Variants in SLC4A4 observed in about 807,000 individuals in gnomAD.
The protein encoded by SLC4A4 is solute carrier family 4 member 4, also known as electrogenic sodium bicarbonate cotransporter 1.
Under a neutral mutation model 111.5 loss-of-function variants are expected in SLC4A4, and 27 were observed. That is an observed-to-expected ratio of 0.24 (90% CI 0.18 to 0.33). The LOEUF (loss-of-function observed/expected upper bound fraction) is 0.33. Ranked by LOEUF, SLC4A4 falls within the 10% of genes least tolerant of loss-of-function variation. SLC4A4 has a pLI of 1.00. For synonymous variants in SLC4A4, 443 were observed against 463.4 expected, an observed-to-expected ratio of 0.96 and a Z score of 0.57; for missense variants, 909 against 1,315.5, an observed-to-expected ratio of 0.69 and a Z score of 4.78.
chr4:71,142,053 T>C (rs2885983), intron 2 of SLC4A4, among the ~76,000 whole-genome samples: 111,657 of 152,180 alleles, frequency 0.73, 42,738 homozygotes, highest in Admixed American at 0.84. Context: ...GATCTCAAAC[T>C]TTTTGTGTAT....
chr4:71,232,862 T>C (rs1719532361), intron 1 of SLC4A4, among the ~76,000 whole-genome samples: 2 of 152,226 alleles, frequency 1.3e-5, no homozygotes, highest in Admixed American at 1.3e-4. Flanking sequence ...ATGTTCCACA[T>C]GAAATTGTGT....
At chr4:71,223,919 C>T (rs1460808733) in intron 1 of SLC4A4, among the ~76,000 whole-genome samples, 2 of 152,026 alleles carry the variant, frequency 1.3e-5, no homozygotes, top group Non-Finnish European at 2.9e-5. Flanking sequence ...TCTTCGTGGC[C>T]CCGTTTCTGA....
At chr4:71,197,731 A>T (rs552415216) in intron 1 of SLC4A4, among the ~76,000 whole-genome samples, 20 of 152,342 alleles carry the variant, frequency 1.3e-4, no homozygotes, top group African/African-American at 4.8e-4. Context: ...ATAATAATAA[A>T]AAAAAGATTT....
intron 15 of SLC4A4, among the ~76,000 whole-genome samples, chr4:71,492,547 G>A (rs916875075): frequency 1.3e-4 from 20 of 151,840 alleles, no homozygotes; most frequent in African/African-American, 4.6e-4. Flanking sequence ...ATCTGCTTCA[G>A]CCCATCTGGT....
chr4:71,330,205 G>A (rs1050203398), intron 3 of SLC4A4, among the ~76,000 whole-genome samples: 2 of 152,078 alleles, frequency 1.3e-5, no homozygotes, highest in Admixed American at 6.6e-5. Context: ...GTTGAATTTG[G>A]TTTGCTAGTA....
intron 1 of SLC4A4, among the ~76,000 whole-genome samples, chr4:71,195,340 A>G (rs1745944590): frequency 6.8e-6 from 1 of 146,106 alleles, no homozygotes. Flanking sequence ...AGCATGTAAC[A>G]TTTTACTTCA....
At chr4:71,509,020 G>T (rs937501513) in intron 16 of SLC4A4, among the ~76,000 whole-genome samples, 1 of 152,166 alleles carries the variant, frequency 6.6e-6, no homozygotes, top group Non-Finnish European at 1.5e-5. Context: ...TATCTCAAGA[G>T]ATGCAGAAAA....
In SLC4A4 at chr4:71,567,951, CTGTT is replaced by C. The variant is rs368167161; in HGVS notation, c.*206_*209del. On this transcript the variant is annotated 3_prime_UTR_variant, in exon 26 of 26. Transcript: ENST00000264485. Reference sequence around the variant, plus strand: ...GTTAATGTCATTTGTTTTTGTTTGGCTGTTTGTTTATTTTTTAACTTTTATTTCG... The same window carrying C: ...GTTAATGTCATTTGTTTTTGTTTGGCTGTTTATTTTTTAACTTTTATTTCG... The C allele has an allele frequency of 9.6e-3, 10,103 of 1,056,226 alleles. 79 individuals are homozygous for C. Among genetic ancestry groups the C allele is most frequent in the Middle Eastern group, 0.024 (111 of 4,684 alleles). 65.4% of individuals were successfully genotyped at this position (1,056,226 alleles called of 1,614,324 possible).
At chr4:71,167,580 G>A (rs72850625) in intron 2 of SLC4A4, among the ~76,000 whole-genome samples, 2 of 152,174 alleles carry the variant, frequency 1.3e-5, no homozygotes, top group Non-Finnish European at 2.9e-5. Flanking sequence ...ATACAATCAG[G>A]AGAATGTAAG....
intron 3 of SLC4A4, among the ~76,000 whole-genome samples, chr4:71,297,345 A>G (rs1293375994): frequency 6.6e-6 from 1 of 152,166 alleles, no homozygotes; most frequent in African/African-American, 2.4e-5. Context: ...ACCCCTGAGC[A>G]CTGCAGCTGC....
intron 16 of SLC4A4, among the ~76,000 whole-genome samples, chr4:71,529,966 G>A (rs754816799): frequency 6.6e-6 from 1 of 152,006 alleles, no homozygotes; most frequent in Non-Finnish European, 1.5e-5. Context: ...CTGCTTCATA[G>A]GACCATCTTT....
At chr4:71,196,341 T>G (rs1745998297) in intron 1 of SLC4A4, among the ~76,000 whole-genome samples, 1 of 152,180 alleles carries the variant, frequency 6.6e-6, no homozygotes, top group Admixed American at 6.5e-5. Context: ...TGAGCTCCTT[T>G]GCCAGGGAAA....
At chr4:71,170,205 A>G (rs1345924543) in intron 2 of SLC4A4, among the ~76,000 whole-genome samples, 1 of 152,116 alleles carries the variant, frequency 6.6e-6, no homozygotes, top group East Asian at 1.9e-4. Flanking sequence ...ATTATTTTAT[A>G]TGTTTGTTTA....
chr4:71,206,768 C>T (rs904524198), intron 1 of SLC4A4, among the ~76,000 whole-genome samples: 3 of 151,736 alleles, frequency 2.0e-5, no homozygotes, highest in Admixed American at 1.3e-4. Flanking sequence ...TAGTTGGAAC[C>T]ATTTCACTGA....
At chr4:71,319,461 T>G (rs1726951080) in intron 3 of SLC4A4, among the ~76,000 whole-genome samples, 2 of 152,056 alleles carry the variant, frequency 1.3e-5, no homozygotes, top group South Asian at 4.1e-4. Context: ...ATTTAAATAC[T>G]GCTAGTTAGT....
rs142797711 is a variant in SLC4A4 at position 71,079,518 on chromosome 4, A to G, written c.-64-13212A>G. Among the ~76,000 whole-genome samples, 962 of 152,248 alleles carry G rather than the reference A, an allele frequency of 6.3e-3. 10 individuals are homozygous for G. The highest frequency in any genetic ancestry group is 0.022 in the African/African-American group (897 of 41,556). ...GGGCCTGGTGCAGTAGCTAATGCCT[A>G]TAATCCCAGCACTTTGGGAGGCTGA... is the stretch of plus-strand genomic sequence containing the variant. On this transcript the variant is annotated intron_variant, in intron 1 of 26. Coordinates refer to the SLC4A4 transcript ENST00000649996.
intron 2 of SLC4A4, among the ~76,000 whole-genome samples, chr4:71,139,686 T>G (rs1439279139): frequency 6.6e-6 from 1 of 152,218 alleles, no homozygotes; most frequent in Non-Finnish European, 1.5e-5. Context: ...TGCTTCTTTT[T>G]TCCTTATTTC....
Position 71,557,712 on chromosome 4 carries a change from T to C in SLC4A4, c.2764T>C (p.Phe922Leu). Reference sequence around the variant, plus strand: ...GACTCCTTTCCTCTTTCCTCCCCAGTTCATGGATCGTCTGAAGCTGCTTCT... The same window carrying C: ...GACTCCTTTCCTCTTTCCTCCCCAGCTCATGGATCGTCTGAAGCTGCTTCT... ...MGVASLNGVQ[F>L]MDRLKLLLMP... is the part of the protein sequence containing the mutation. Residue 922 changes from phenylalanine (F) to leucine (L), a missense_variant and splice_region_variant, in exon 22 of 26, where the codon TTC (phenylalanine) becomes CTC (leucine). Transcript: ENST00000264485. 1 of 1,612,648 alleles carries C rather than the reference T, an allele frequency of 6.2e-7. No individual in the cohort carries two copies. Among genetic ancestry groups the C allele is most frequent in the South Asian group, 1.1e-5 (1 of 91,072 alleles).
At chr4:71,202,608 A>G (rs1287692354) in intron 1 of SLC4A4, among the ~76,000 whole-genome samples, 1 of 152,184 alleles carries the variant, frequency 6.6e-6, no homozygotes, top group Admixed American at 6.5e-5. Flanking sequence ...GGAGGAGGAA[A>G]TAATACAACA....
Sources: gnomAD v4.1 joint callset for allele counts (sites outside exome capture counted in the v4.1 genomes callset) on GRCh38, gnomAD v4.1.1 for gene constraint, MANE v1.5 for transcripts, NCBI Gene and HGNC (gene_info 2026-07-23, HGNC 2026-07-21) for gene names.